Variants in TSGA10 observed in about 807,000 individuals in gnomAD.
TSGA10 encodes the protein testis specific 10.
In TSGA10, 43 loss-of-function variants were observed where a neutral mutation model predicts 96.6. The ratio of observed to expected loss-of-function variants is 0.44; its 90% confidence interval spans 0.35 to 0.57. TSGA10 has a LOEUF of 0.57. TSGA10 is among the 20% of genes least tolerant of loss of function. The pLI, the probability that TSGA10 is intolerant of heterozygous loss-of-function variation, is 0.01. For missense variants in TSGA10, 703 were observed against 834.4 expected, an observed-to-expected ratio of 0.84 and a Z score of 1.94; for synonymous variants, 229 against 269.9, an observed-to-expected ratio of 0.85 and a Z score of 1.48.
At chr2:99,140,848 T>C (rs969814519) in intron 1 of TSGA10, among the ~76,000 whole-genome samples, 4 of 151,956 alleles carry the variant, frequency 2.6e-5, no homozygotes, top group Admixed American at 6.5e-5. Context: ...GCAGTGACCA[T>C]AGGAACTGGG....
At chr2:99,014,139 A>T (rs559840931) in intron 20 of TSGA10, among the ~76,000 whole-genome samples, 1 of 152,270 alleles carries the variant, frequency 6.6e-6, no homozygotes, top group South Asian at 2.1e-4. Flanking sequence ...TGGGCAACAG[A>T]GCGAGACTCT....
At position 99,068,931 on chromosome 2, in the gene TSGA10, G is replaced by GT. The variant is rs1489695558; in HGVS notation, c.1174dup (p.Thr392AsnfsTer2). 6.8e-7 allele frequency: 1 copy of GT among 1,464,194 alleles called. No homozygotes were observed. Among genetic ancestry groups the GT allele is most frequent in the African/African-American group, 1.5e-5 (1 of 67,974 alleles). The allele number at this position is 1,464,194 out of a possible 1,614,324, so 90.7% of individuals were successfully genotyped here. A position where few individuals can be genotyped will look rare whatever the true frequency, so the allele number is the denominator to read the frequency against. On this transcript the variant is annotated frameshift_variant, in exon 15 of 21. Coordinates refer to ENST00000393483, the MANE Select transcript of TSGA10 (RefSeq NM_025244.4). LOFTEE classifies it high-confidence loss of function. ...CTTCAGCTTGTTAACCTCCAAATTAGTATCTTGAACCTTCTGTTTTATGTC... is the reference window on the plus strand; with the variant it reads ...CTTCAGCTTGTTAACCTCCAAATTAGTTATCTTGAACCTTCTGTTTTATGTC...
chr2:99,014,014 G>T (rs1051285870), intron 20 of TSGA10, among the ~76,000 whole-genome samples: 14 of 152,094 alleles, frequency 9.2e-5, no homozygotes, highest in Non-Finnish European at 1.8e-4. Context: ...AATTAGCCAG[G>T]CATGGTAGCA....
intron 17 of TSGA10, among the ~76,000 whole-genome samples, chr2:99,032,110 T>C (rs2081192046): frequency 6.6e-6 from 1 of 152,168 alleles, no homozygotes; most frequent in Non-Finnish European, 1.5e-5. Context: ...TTGCATCTAG[T>C]GGCAGGCTTT....
intron 1 of TSGA10, among the ~76,000 whole-genome samples, chr2:99,133,513 C>T (rs908504504): frequency 6.6e-6 from 1 of 152,190 alleles, no homozygotes; most frequent in Admixed American, 6.5e-5. Flanking sequence ...GAATACAACA[C>T]AACAATGGGT....
intron 10 of TSGA10, among the ~76,000 whole-genome samples, chr2:99,087,305 G>A (rs1018870182): frequency 3.3e-5 from 5 of 151,974 alleles, no homozygotes; most frequent in Non-Finnish European, 7.4e-5. Context: ...TCAGGAGTTC[G>A]AAACCAGCCT....
chr2:99,129,479 G>C (rs1005273793), intron 1 of TSGA10, among the ~76,000 whole-genome samples: 1 of 152,178 alleles, frequency 6.6e-6, no homozygotes, highest in African/African-American at 2.4e-5. Context: ...GGCCCAGCTA[G>C]GAATTAAAAA....
chr2:99,121,563 C>G lies in TSGA10; in HGVS notation c.-491-2877G>C, dbSNP rs148379962. ...ATCTCAGTTCACTGCAACCTGCCTC[C>G]TGGGTTCAAGTGATCCTCCCACCTC... On this transcript the variant is annotated intron_variant, in intron 2 of 20. Coordinates refer to ENST00000393483, the MANE Select transcript of TSGA10 (RefSeq NM_025244.4). Among the ~76,000 whole-genome samples the G allele has an allele frequency of 4.2e-3, 464 of 110,416 alleles. 15 individuals carry two copies. The East Asian group carries it at 0.1, about 24-fold the overall frequency. 72.4% of individuals were successfully genotyped at this position (110,416 alleles called of 152,430 possible).
At chr2:99,130,999 T>C (rs984805235) in intron 1 of TSGA10, among the ~76,000 whole-genome samples, 1 of 148,942 alleles carries the variant, frequency 6.7e-6, no homozygotes, top group African/African-American at 2.4e-5. Flanking sequence ...GGTATATATC[T>C]GTTTTGGTAC....
At chr2:99,032,787 C>T (rs2081262113) in intron 17 of TSGA10, among the ~76,000 whole-genome samples, 1 of 152,048 alleles carries the variant, frequency 6.6e-6, no homozygotes, top group South Asian at 2.1e-4. Flanking sequence ...TTGGCTAGCA[C>T]CAATAACTAG....
chr2:99,107,150 T>C (rs2091427713), intron 7 of TSGA10, among the ~76,000 whole-genome samples: 1 of 152,222 alleles, frequency 6.6e-6, no homozygotes, highest in African/African-American at 2.4e-5. Context: ...TTAGTCACTG[T>C]CATGCAACCC....
intron 4 of TSGA10, 50 bp downstream of exon 4, chr2:99,117,494 C>T (rs1424058351): frequency 1.2e-6 from 1 of 866,196 alleles, no homozygotes; most frequent in East Asian, 1.2e-4. Flanking sequence ...TTAAAAATTA[C>T]ATGATGTTTA....
chr2:99,011,723 C>G (rs538977074), intron 20 of TSGA10, among the ~76,000 whole-genome samples: 20 of 151,990 alleles, frequency 1.3e-4, no homozygotes, highest in Admixed American at 6.6e-4. Flanking sequence ...AGCATGTGAG[C>G]ACATGAGCCA....
intron 20 of TSGA10, among the ~76,000 whole-genome samples, chr2:99,010,332 A>G (rs2078898407): frequency 1.3e-5 from 2 of 152,230 alleles, no homozygotes; most frequent in African/African-American, 4.8e-5. Flanking sequence ...GGAATATACC[A>G]GGAAAACCAA....
intron 1 of TSGA10, among the ~76,000 whole-genome samples, chr2:99,144,830 G>T (rs1039385564): frequency 2.6e-5 from 4 of 152,110 alleles, no homozygotes; most frequent in Non-Finnish European, 5.9e-5. Context: ...GGAACTGTAA[G>T]TGCAAAGGTC....
intron 10 of TSGA10, among the ~76,000 whole-genome samples, chr2:99,100,378 CA>C (rs1441175665): frequency 6.6e-6 from 1 of 152,110 alleles, no homozygotes; most frequent in Non-Finnish European, 1.5e-5. Flanking sequence ...TAAACACATA[CA>C]TAGATATTTA....
At chr2:99,001,291 A>G (rs753940857) in intron 20 of TSGA10, among the ~76,000 whole-genome samples, 7 of 152,178 alleles carry the variant, frequency 4.6e-5, no homozygotes, top group African/African-American at 4.8e-5. Context: ...AGGATCAGGC[A>G]GCAATATTTG....
intron 4 of TSGA10, among the ~76,000 whole-genome samples, chr2:99,111,939 T>A (rs1173533494): frequency 6.6e-6 from 1 of 152,142 alleles, no homozygotes; most frequent in Non-Finnish European, 1.5e-5. Flanking sequence ...ACATCCTACA[T>A]ATAAACATAA....
chr2:99,039,308 CA>C (rs559487331), intron 16 of TSGA10, among the ~76,000 whole-genome samples: 173 of 123,192 alleles, frequency 1.4e-3, no homozygotes, highest in Non-Finnish European at 1.6e-3. Flanking sequence ...TGGAAACAAC[CA>C]AAAAAAAAAA....
Sources: allele counts gnomAD v4.1 joint callset (sites outside exome capture counted in the v4.1 genomes callset), GRCh38; gene constraint gnomAD v4.1.1; transcripts MANE v1.5; gene names NCBI Gene and HGNC (gene_info 2026-07-23, HGNC 2026-07-21).